Variants in GRIN2A observed in about 807,000 individuals in gnomAD.
GRIN2A encodes glutamate receptor ionotropic, NMDA 2A.
GRIN2A carries 22 observed loss-of-function variants against 113.4 expected under a neutral mutation model. The observed-to-expected ratio is 0.19, with a 90% confidence interval of 0.14 to 0.28. The LOEUF (loss-of-function observed/expected upper bound fraction) is 0.28, where lower values mean the gene tolerates loss of function less well. Among genes scored for constraint, GRIN2A ranks in the 10% least tolerant of loss-of-function variants. The pLI is 1.00. For synonymous variants in GRIN2A, 827 were observed against 738.4 expected (o/e 1.12, Z -1.94); for missense variants, 1,502 against 1,887.0 (o/e 0.80, Z 3.78).
chr16:10,034,742 T>C (rs934634179), intron 2 of GRIN2A, among the ~76,000 whole-genome samples: 2 of 152,058 alleles, frequency 1.3e-5, no homozygotes, highest in African/African-American at 4.8e-5. Context: ...TCCCCAAATC[T>C]AGAGTTCTCC....
At chr16:9,821,076 C>T (rs568970901) in intron 10 of GRIN2A, among the ~76,000 whole-genome samples, 1 of 152,006 alleles carries the variant, frequency 6.6e-6, no homozygotes, top group Non-Finnish European at 1.5e-5. Flanking sequence ...CTCTGTCTCC[C>T]CCTACCAGAC....
intron 11 of GRIN2A, among the ~76,000 whole-genome samples, chr16:9,771,347 T>C (rs1429632536): frequency 6.6e-6 from 1 of 152,138 alleles, no homozygotes; most frequent in South Asian, 2.1e-4. Flanking sequence ...TTCCCGTTAA[T>C]TTATTCTTTT....
chr16:10,155,120 G>C lies in GRIN2A; in HGVS notation c.414+24878C>G, dbSNP rs145247872. 5.5e-3 allele frequency among the ~76,000 whole-genome samples: 842 copies of C among 152,216 alleles called. 4 individuals carry two copies. Among genetic ancestry groups the C allele is most frequent in the Middle Eastern group, 0.02 (6 of 294 alleles). On this transcript the variant is annotated intron_variant, in intron 2 of 12. Coordinates refer to ENST00000330684, the MANE Select transcript of GRIN2A (RefSeq NM_001134407.3). ...ATTTTGGCTTAAACTTTTTTCTGTA[G>C]GGTCATATTCCTCAGAGCCCTCTTT...
intron 2 of GRIN2A, among the ~76,000 whole-genome samples, chr16:10,126,624 C>G (rs981829378): frequency 3.3e-5 from 5 of 152,060 alleles, no homozygotes. Context: ...ATTTGTAAGT[C>G]ATCTTTGTGC....
chr16:9,770,517 A>G (rs973817144), intron 11 of GRIN2A, among the ~76,000 whole-genome samples: 2 of 152,190 alleles, frequency 1.3e-5, no homozygotes, highest in African/African-American at 4.8e-5. Flanking sequence ...TTTTCCTCTG[A>G]TCTGGATGGC....
Position 9,990,561 on chromosome 16 carries a change from G to GCACACA in GRIN2A, c.415-52011_415-52010insTGTGTG, listed in dbSNP as rs776273740. 9.5e-3 allele frequency among the ~76,000 whole-genome samples: 1,220 copies of GCACACA among 128,678 alleles called. 12 individuals carry two copies. The highest frequency in any genetic ancestry group is 0.015 in the African/African-American group (552 of 36,082). The allele number at this position is 128,678 out of a possible 152,430, so 84.4% of individuals were successfully genotyped here. On this transcript the variant is annotated intron_variant, in intron 2 of 12. Transcript: ENST00000330684. Reference sequence around the variant, plus strand: ...TCTCTCTACACGCGCGCGCGCGCGCGCGCACACACACACACACACACACAC... The same window carrying GCACACA: ...TCTCTCTACACGCGCGCGCGCGCGCGCACACACGCACACACACACACACACACACAC...
intron 11 of GRIN2A, among the ~76,000 whole-genome samples, chr16:9,786,696 C>G (rs963140922): frequency 1.3e-5 from 2 of 152,162 alleles, no homozygotes; most frequent in Non-Finnish European, 2.9e-5. Flanking sequence ...AGCAAAGATC[C>G]TGGCGCCCTC....
Position 9,854,992 on chromosome 16 carries a change from T to TTGTGTG in GRIN2A, c.1123-5037_1123-5032dup, listed in dbSNP as rs3831730. On this transcript the variant is annotated intron_variant, in intron 4 of 12. Transcript: ENST00000330684. The stretch of plus-strand genomic sequence containing the variant: ...ACACAACCAGGACAGGCAAGCACGC[T>TTGTGTG]TGTGTGTGTGTGTGTGTGTGTGTGT... 4.9e-3 allele frequency among the ~76,000 whole-genome samples: 724 copies of TTGTGTG among 147,650 alleles called. 5 individuals carry two copies. Among genetic ancestry groups the TTGTGTG allele is most frequent in the Non-Finnish European group, 6.9e-3 (461 of 66,624 alleles).
intron 3 of GRIN2A, among the ~76,000 whole-genome samples, chr16:9,919,449 G>T (rs1474064113): frequency 1.3e-5 from 2 of 152,132 alleles, no homozygotes; most frequent in African/African-American, 4.8e-5. Context: ...ACCAAGCACT[G>T]TAGTGAGATG....
intron 4 of GRIN2A, among the ~76,000 whole-genome samples, chr16:9,860,347 T>G (rs2043043831): frequency 6.8e-6 from 1 of 147,604 alleles, no homozygotes; most frequent in Non-Finnish European, 1.5e-5. Flanking sequence ...ACTCGGGAAG[T>G]TGAGGCATGA....
chr16:10,117,256 G>C (rs577549314), intron 2 of GRIN2A, among the ~76,000 whole-genome samples: 1 of 152,208 alleles, frequency 6.6e-6, no homozygotes, highest in South Asian at 2.1e-4. Context: ...ATCTTTTCAG[G>C]TTCACTTTTA....
chr16:9,989,004 G>A (rs1054593954), intron 2 of GRIN2A, among the ~76,000 whole-genome samples: 1 of 152,128 alleles, frequency 6.6e-6, no homozygotes, highest in African/African-American at 2.4e-5. Flanking sequence ...ATCTTGATAC[G>A]TGACCTGATA....
chr16:10,005,748 T>G (rs934928796), intron 2 of GRIN2A, among the ~76,000 whole-genome samples: 1 of 152,236 alleles, frequency 6.6e-6, no homozygotes, highest in African/African-American at 2.4e-5. Context: ...TCCTGTGGCC[T>G]GTCACTTTGC....
chr16:9,819,644 T>G (rs989424593), intron 10 of GRIN2A, among the ~76,000 whole-genome samples: 1 of 151,988 alleles, frequency 6.6e-6, no homozygotes, highest in African/African-American at 2.4e-5. Flanking sequence ...CTTTCATCCC[T>G]AAGAGTATAT....
At chr16:9,844,642 G>C (rs1486539121) in intron 5 of GRIN2A, among the ~76,000 whole-genome samples, 1 of 152,162 alleles carries the variant, frequency 6.6e-6, no homozygotes, top group Non-Finnish European at 1.5e-5. Context: ...CAGTATAGCC[G>C]GTGGATGTGA....
chr16:9,797,532 A>G (rs1485198855), intron 11 of GRIN2A, among the ~76,000 whole-genome samples: 1 of 152,204 alleles, frequency 6.6e-6, no homozygotes, highest in African/African-American at 2.4e-5. Context: ...TTAGACTGCA[A>G]TAGAGATTGC....
At position 10,080,514 on chromosome 16, in the gene GRIN2A, G is replaced by A. The variant is rs142625688; in HGVS notation, c.414+99484C>T. Among the ~76,000 whole-genome samples the A allele has an allele frequency of 3.8e-3, 580 of 152,262 alleles. 5 individuals are homozygous for A. Among genetic ancestry groups the A allele is most frequent in the African/African-American group, 0.013 (528 of 41,540 alleles). ...AGCCCAGAAAGTTGGAAGGGATTCC[G>A]AGCTTGGATCCCTCAGGCTAGGCTA... On this transcript the variant is annotated intron_variant, in intron 2 of 12. Transcript: ENST00000330684.
intron 9 of GRIN2A, among the ~76,000 whole-genome samples, chr16:9,824,900 G>A (rs968626538): frequency 3.3e-5 from 5 of 152,072 alleles, no homozygotes; most frequent in African/African-American, 1.2e-4. Context: ...CATCTATTAA[G>A]TCCCAGGGTC....
rs148946025 is a variant in GRIN2A at position 9,896,049 on chromosome 16, G to A, written c.1008-4949C>T. ...TGCGTAACATGAACTGAATGTCACAGCAACTTTTTTTTTTTTTGGAAACAG... is the reference window on the plus strand; with the variant it reads ...TGCGTAACATGAACTGAATGTCACAACAACTTTTTTTTTTTTTGGAAACAG... On this transcript the variant is annotated intron_variant, in intron 3 of 12. Transcript: ENST00000330684. Among the ~76,000 whole-genome samples, 77 of 138,714 alleles carry A rather than the reference G, an allele frequency of 5.6e-4. 1 individual carries two copies. In the East Asian group the frequency reaches 0.013, roughly 24 times the overall value. The allele number at this position is 138,714 out of a possible 152,430, so 91.0% of individuals were successfully genotyped here.
Sources: allele counts gnomAD v4.1 joint callset (sites outside exome capture counted in the v4.1 genomes callset), GRCh38; gene constraint gnomAD v4.1.1; transcripts MANE v1.5; gene names NCBI Gene and HGNC (gene_info 2026-07-23, HGNC 2026-07-21).